CEP63: variants seen among roughly 807,000 people sequenced by gnomAD.
The protein encoded by CEP63 is centrosomal protein 63.
A neutral mutation model predicts 89.1 loss-of-function variants in CEP63; 84 were observed. The ratio of observed to expected loss-of-function variants is 0.94; its 90% CI spans 0.79 to 1.13. The LOEUF (loss-of-function observed/expected upper bound fraction) is 1.13. CEP63 is among the 50% of genes most tolerant of loss of function. CEP63 has a pLI of 0.00. For synonymous variants in CEP63, 267 were observed against 272.5 expected, an observed-to-expected ratio of 0.98 and a Z score of 0.20; for missense variants, 838 against 813.3, an observed-to-expected ratio of 1.03 and a Z score of -0.37.
At chr3:134,701,276 A>ATATATGTG in the CEP63 span, among the ~76,000 whole-genome samples, 5 of 31,160 alleles carry the variant, frequency 1.6e-4, no homozygotes, top group African/African-American at 4.2e-4. Flanking sequence ...ACATATACAC[A>ATATATGTG]CATATATACG....
At chr3:134,580,621 A>G (rs962711606) in intron 10 of CEP63, among the ~76,000 whole-genome samples, 6 of 152,228 alleles carry the variant, frequency 3.9e-5, no homozygotes, top group Admixed American at 2.6e-4. Flanking sequence ...TTTATGGACA[A>G]ATATTCCTCA....
downstream of CEP63, among the ~76,000 whole-genome samples, chr3:134,588,512 A>G (rs1958533063): frequency 6.6e-6 from 1 of 152,318 alleles, no homozygotes; most frequent in South Asian, 2.1e-4. Flanking sequence ...CACAATTGAA[A>G]GTAGAGAATA....
chr3:134,512,802 T>A (rs1945296925), intron 3 of CEP63, among the ~76,000 whole-genome samples: 1 of 152,232 alleles, frequency 6.6e-6, no homozygotes, highest in African/African-American at 2.4e-5. Context: ...TATATCTTAA[T>A]TTTTTGTTAG....
the CEP63 span, among the ~76,000 whole-genome samples, chr3:134,600,416 AT>A: frequency 1.3e-5 from 2 of 152,132 alleles, no homozygotes; most frequent in African/African-American, 4.8e-5. Flanking sequence ...TAGTCTATTT[AT>A]TTACTTTTAA....
the CEP63 span, chr3:134,647,362 A>G: frequency 1.6e-6 from 2 of 1,219,304 alleles, no homozygotes; most frequent in Admixed American, 4.0e-5. Flanking sequence ...TCTTCAAATG[A>G]GTGAAACCCA....
At chr3:134,590,591 A>G (rs1210405020), downstream of CEP63, among the ~76,000 whole-genome samples, 2 of 152,214 alleles carry the variant, frequency 1.3e-5, no homozygotes, top group Admixed American at 6.5e-5. Flanking sequence ...TGGGGCTGGA[A>G]TAGCTCTCAG....
chr3:134,619,391 C>T, the CEP63 span: 1 of 709,984 alleles, frequency 1.4e-6, no homozygotes, highest in Non-Finnish European at 2.6e-6. Context: ...AATGGAACTA[C>T]AGCCCCAGCA....
At chr3:134,757,176 A>G in the CEP63 span, among the ~76,000 whole-genome samples, 1 of 152,222 alleles carries the variant, frequency 6.6e-6, no homozygotes, top group Non-Finnish European at 1.5e-5. Context: ...CCAGGAGGAC[A>G]CACAGGATGC....
chr3:134,723,659 C>G, the CEP63 span, among the ~76,000 whole-genome samples: 1 of 152,188 alleles, frequency 6.6e-6, no homozygotes, highest in Non-Finnish European at 1.5e-5. Flanking sequence ...AGGTGAGACT[C>G]TGCTCTGAAC....
At chr3:134,703,448 A>C in the CEP63 span, among the ~76,000 whole-genome samples, 5 of 152,212 alleles carry the variant, frequency 3.3e-5, no homozygotes, top group Admixed American at 3.3e-4. Flanking sequence ...CACAGCTGCA[A>C]AAAGGAATGA....
chr3:134,617,295 A>T, the CEP63 span, among the ~76,000 whole-genome samples: 22 of 152,318 alleles, frequency 1.4e-4, no homozygotes, highest in African/African-American at 5.3e-4. Flanking sequence ...GAGCTAAGAG[A>T]CTTGTGGCTA....
At chr3:134,559,101 A>G in intron 13 of CEP63, 49 bp from the exon 14 acceptor site, 1 of 1,602,748 alleles carries the variant, frequency 6.2e-7, no homozygotes, top group South Asian at 1.1e-5. Context: ...TGGAAAGAGA[A>G]AAGTTGCTAC....
chr3:134,550,852 G>A (rs1393146332), intron 11 of CEP63, among the ~76,000 whole-genome samples: 1 of 152,186 alleles, frequency 6.6e-6, no homozygotes, highest in African/African-American at 2.4e-5. Flanking sequence ...TGCTGTTACA[G>A]TGGTAAGATG....
At chr3:134,693,422 A>G in the CEP63 span, among the ~76,000 whole-genome samples, 2 of 149,092 alleles carry the variant, frequency 1.3e-5, no homozygotes, top group African/African-American at 4.9e-5. Flanking sequence ...GTTTTGGGTT[A>G]TTTCCAGATT....
chr3:134,496,274 A>G (rs998627969), intron 2 of CEP63, among the ~76,000 whole-genome samples: 2 of 152,206 alleles, frequency 1.3e-5, no homozygotes, highest in African/African-American at 2.4e-5. Flanking sequence ...AGTTCACTCA[A>G]TAGTCAGAGC....
At chr3:134,616,067 G>C in the CEP63 span, among the ~76,000 whole-genome samples, 8 of 152,238 alleles carry the variant, frequency 5.3e-5, no homozygotes, top group African/African-American at 1.7e-4. Context: ...GCCGACTCAA[G>C]AGCAGCAGTC....
At chr3:134,580,421 G>A (rs1177102587) in intron 10 of CEP63, among the ~76,000 whole-genome samples, 1 of 152,110 alleles carries the variant, frequency 6.6e-6, no homozygotes, top group African/African-American at 2.4e-5. Context: ...CACTTATACA[G>A]AGTGAATTTT....
At chr3:134,699,910 C>A in the CEP63 span, among the ~76,000 whole-genome samples, 1 of 152,234 alleles carries the variant, frequency 6.6e-6, no homozygotes, top group African/African-American at 2.4e-5. Context: ...TGTTCCCAGC[C>A]CTGATGCTCA....
At chr3:134,705,986 C>T in the CEP63 span, among the ~76,000 whole-genome samples, 1 of 152,224 alleles carries the variant, frequency 6.6e-6, no homozygotes, top group Non-Finnish European at 1.5e-5. Flanking sequence ...AAACCAGAGG[C>T]CACCAGCACT....
Sources: gnomAD v4.1 joint callset for allele counts (sites outside exome capture counted in the v4.1 genomes callset) on GRCh38, gnomAD v4.1.1 for gene constraint, MANE v1.5 for transcripts, NCBI Gene and HGNC (gene_info 2026-07-23, HGNC 2026-07-21) for gene names.